The following BMPR1A variants were observed in gnomAD, a reference collection of about 807,000 sequenced individuals.
BMPR1A encodes the protein bone morphogenetic protein receptor type 1A, also known as bone morphogenetic protein receptor type-1A.
BMPR1A carries 7 observed loss-of-function variants against 66.0 expected under a neutral mutation model. The observed-to-expected ratio is 0.11, with a 90% CI of 0.06 to 0.20. The LOEUF (loss-of-function observed/expected upper bound fraction) is 0.20, where lower values mean the gene tolerates loss of function less well. Among genes scored for constraint, BMPR1A ranks in the 10% least tolerant of loss-of-function variants. The pLI, the probability that BMPR1A is intolerant of heterozygous loss-of-function variation, is 1.00. For synonymous variants in BMPR1A, 200 were observed against 229.7 expected, an observed-to-expected ratio of 0.87 and a Z score of 1.17; for missense variants, 408 against 669.1, an observed-to-expected ratio of 0.61 and a Z score of 4.31.
chr10:86,843,136 T>C (rs1011184943), intron 2 of BMPR1A, among the ~76,000 whole-genome samples: 1 of 152,224 alleles, frequency 6.6e-6, no homozygotes, highest in Non-Finnish European at 1.5e-5. Context: ...CGTTTAAGCA[T>C]TGGTTGTTTA....
At chr10:86,771,214 A>G (rs1324297766) in intron 1 of BMPR1A, among the ~76,000 whole-genome samples, 1 of 152,198 alleles carries the variant, frequency 6.6e-6, no homozygotes, top group Non-Finnish European at 1.5e-5. Context: ...AACCTTGGAA[A>G]CGTTAAATAA....
chr10:86,816,432 A>G (rs1842035938), intron 1 of BMPR1A, among the ~76,000 whole-genome samples: 2 of 152,310 alleles, frequency 1.3e-5, no homozygotes, highest in South Asian at 4.1e-4. Flanking sequence ...TTAGTAATTC[A>G]GTACCCCTCC....
At chr10:86,930,711 A>T (rs1288772044), downstream of BMPR1A, 1 of 152,094 alleles carries the variant, frequency 6.6e-6, no homozygotes, top group East Asian at 1.9e-4. Flanking sequence ...ATGTCGCTAC[A>T]TCCACCTCAG....
intron 1 of BMPR1A, among the ~76,000 whole-genome samples, chr10:86,789,106 A>T (rs1841561554): frequency 6.6e-6 from 1 of 152,214 alleles, no homozygotes; most frequent in Non-Finnish European, 1.5e-5. Context: ...AAAGAATGCA[A>T]TTAGACCTTT....
At chr10:86,922,940 C>T (rs370793337) in intron 11 of BMPR1A, among the ~76,000 whole-genome samples, 19 of 152,384 alleles carry the variant, frequency 1.2e-4, no homozygotes, top group African/African-American at 4.1e-4. Context: ...CCTTGCAAGC[C>T]GCCTTTCCTA....
At chr10:86,931,925 T>G (rs1002378866), downstream of BMPR1A, 2 of 152,210 alleles carry the variant, frequency 1.3e-5, no homozygotes, top group African/African-American at 4.8e-5. Flanking sequence ...TTACTATGCT[T>G]CTCATATGTT....
intron 1 of BMPR1A, among the ~76,000 whole-genome samples, chr10:86,778,336 G>T (rs1416818039): frequency 6.6e-6 from 1 of 151,556 alleles, no homozygotes; most frequent in East Asian, 1.9e-4. Flanking sequence ...TAGAAATGGG[G>T]TCTCACCATG....
intron 1 of BMPR1A, among the ~76,000 whole-genome samples, chr10:86,785,602 G>A (rs943274656): frequency 2.6e-5 from 4 of 152,056 alleles, no homozygotes; most frequent in East Asian, 3.9e-4. Context: ...GCGCCCGGCC[G>A]GGTATAGTGT....
chr10:86,777,117 ATTTCTG>A (rs1841361750), intron 1 of BMPR1A, among the ~76,000 whole-genome samples: 1 of 151,794 alleles, frequency 6.6e-6, no homozygotes, highest in Non-Finnish European at 1.5e-5. Context: ...ATTCAGTTTA[ATTTCTG>A]TTGTTGGTCA....
At chr10:86,790,234 T>A (rs7077554) in intron 1 of BMPR1A, among the ~76,000 whole-genome samples, 19,969 of 47,746 alleles carry the variant, frequency 0.42, 5,934 homozygotes, top group East Asian at 0.75. Flanking sequence ...TATATATATA[T>A]ATCAAAACCA....
intron 7 of BMPR1A, among the ~76,000 whole-genome samples, chr10:86,902,060 A>G (rs966395779): frequency 6.6e-6 from 1 of 152,066 alleles, no homozygotes; most frequent in African/African-American, 2.4e-5. Flanking sequence ...GGGTTTCACC[A>G]TGTTGACCAG....
At chr10:86,844,828 G>A (rs1405355590) in intron 2 of BMPR1A, among the ~76,000 whole-genome samples, 1 of 152,168 alleles carries the variant, frequency 6.6e-6, no homozygotes, top group East Asian at 1.9e-4. Context: ...CCAGGCTGGA[G>A]TGCAATGGCA....
intron 1 of BMPR1A, among the ~76,000 whole-genome samples, chr10:86,780,498 G>T (rs984627718): frequency 7.9e-5 from 12 of 151,944 alleles, no homozygotes; most frequent in Admixed American, 2.0e-4. Context: ...GCAGTGGCAC[G>T]ATCTCGGCTC....
chr10:86,823,723 T>C (rs1041810061), intron 1 of BMPR1A, among the ~76,000 whole-genome samples: 2 of 152,184 alleles, frequency 1.3e-5, no homozygotes, highest in African/African-American at 4.8e-5. Context: ...TTCACAACCA[T>C]AGAATCCAGA....
intron 1 of BMPR1A, among the ~76,000 whole-genome samples, chr10:86,784,049 C>G (rs1485321492): frequency 6.6e-6 from 1 of 152,102 alleles, no homozygotes; most frequent in Non-Finnish European, 1.5e-5. Flanking sequence ...TGTATAAAAT[C>G]ATGTCTTCTG....
rs1589294560 is a variant in BMPR1A at position 86,925,859 on chromosome 10, C to T, written c.*2140C>T. The T allele has an allele frequency of 6.1e-6, 1 of 163,374 alleles. No homozygotes were observed. The highest frequency in any genetic ancestry group is 1.3e-4 in the East Asian group (1 of 7,454). 10.1% of individuals were successfully genotyped at this position (163,374 alleles called of 1,614,324 possible). A position where few individuals can be genotyped will look rare whatever the true frequency, so the allele number is the denominator to read the frequency against. ...TCTCCTGCCTCAGCCTCCCGAGTAG[C>T]TGGGACTACAGGCGCCCGCCACCGC... On this transcript the variant is annotated 3_prime_UTR_variant, in exon 13 of 13. Coordinates refer to ENST00000372037, the MANE Select transcript of BMPR1A (RefSeq NM_004329.3).
chr10:86,928,551 G>A (rs1843778682), downstream of BMPR1A: 1 of 152,104 alleles, frequency 6.6e-6, no homozygotes, highest in African/African-American at 2.4e-5. Context: ...TTATGGAAAT[G>A]TACTCATGGC....
At chr10:86,869,328 C>T (rs1226793610) in intron 2 of BMPR1A, among the ~76,000 whole-genome samples, 4 of 151,610 alleles carry the variant, frequency 2.6e-5, no homozygotes, top group South Asian at 2.1e-4. Context: ...CGTGGTGGTG[C>T]GTACCTGTAG....
In BMPR1A at chr10:86,764,462, TGTG is replaced by T. The variant is rs200331993; in HGVS notation, c.-268+7545_-268+7547del. On this transcript the variant is annotated intron_variant, in intron 1 of 12. Coordinates refer to ENST00000372037, the MANE Select transcript of BMPR1A (RefSeq NM_004329.3). Reference sequence around the variant, plus strand: ...TTTATAATCTTTTATTTAATAAAAATGTGGGGGAAAAATTGCATGTTGAAGTTG... The same window carrying T: ...TTTATAATCTTTTATTTAATAAAAATGGGGAAAAATTGCATGTTGAAGTTG... 9.5e-3 allele frequency among the ~76,000 whole-genome samples: 1,445 copies of T among 152,338 alleles called. 11 individuals are homozygous for T. Among genetic ancestry groups the T allele is most frequent in the Non-Finnish European group, 0.014 (934 of 68,020 alleles).
Sources: gnomAD v4.1 joint callset for allele counts (sites outside exome capture counted in the v4.1 genomes callset) on GRCh38, gnomAD v4.1.1 for gene constraint, MANE v1.5 for transcripts, NCBI Gene and HGNC (gene_info 2026-07-23, HGNC 2026-07-21) for gene names.